MGAT4C: variants seen among roughly 807,000 people sequenced by gnomAD.
MGAT4C encodes MGAT4 family member C.
A neutral mutation model predicts 40.1 loss-of-function variants in MGAT4C; 19 were observed. That is an observed-to-expected ratio of 0.47 (90% CI 0.33 to 0.70). The LOEUF is 0.70. MGAT4C is among the 30% of genes least tolerant of loss of function. MGAT4C has a pLI of 0.02. For synonymous variants in MGAT4C, 181 were observed against 187.1 expected, an observed-to-expected ratio of 0.97 and a Z score of 0.27; for missense variants, 491 against 563.2, an observed-to-expected ratio of 0.87 and a Z score of 1.30.
chr12:85,962,005 A>G lies in MGAT4C; in HGVS notation c.*17284T>C, dbSNP rs1883136609. The G allele has an allele frequency of 6.6e-6, 1 of 151,898 alleles. No individual in the cohort carries two copies. Among genetic ancestry groups the G allele is most frequent in the Non-Finnish European group, 1.5e-5 (1 of 67,808 alleles). The allele number at this position is 151,898 out of a possible 1,614,324, so 9.4% of individuals were successfully genotyped here. A position where few individuals can be genotyped will look rare whatever the true frequency, so the allele number is the denominator to read the frequency against. ...TGTGTATCTGAATGGAACATGTGGTAAACACAACAGTAGAATATACCTACA... is the reference window on the plus strand; with the variant it reads ...TGTGTATCTGAATGGAACATGTGGTGAACACAACAGTAGAATATACCTACA... On this transcript the variant is annotated 3_prime_UTR_variant, in exon 5 of 5. Transcript: ENST00000611864.
intron 2 of MGAT4C, among the ~76,000 whole-genome samples, chr12:86,515,833 C>T (rs1439898246): frequency 6.6e-6 from 1 of 151,280 alleles, no homozygotes; most frequent in African/African-American, 2.4e-5. Flanking sequence ...AGCTCCGCCT[C>T]CCGGGTTCAT....
chr12:86,038,069 T>C (rs1304874349), intron 2 of MGAT4C, among the ~76,000 whole-genome samples: 1 of 149,716 alleles, frequency 6.7e-6, no homozygotes, highest in Non-Finnish European at 1.5e-5. Flanking sequence ...CCCTGAGCTC[T>C]GGAAGCCCAC....
chr12:86,497,945 A>ATATATAAAATATATATTATAAATATATAT (rs1402860363), intron 2 of MGAT4C, among the ~76,000 whole-genome samples: 4 of 144,342 alleles, frequency 2.8e-5, no homozygotes, highest in African/African-American at 7.5e-5. Flanking sequence ...ATTATATATA[A>ATATATAAAATATATATTATAAATATATAT]TATATAAAAT....
chr12:86,566,570 A>ATATATATATATATG (rs1565853557), intron 2 of MGAT4C, among the ~76,000 whole-genome samples: 3 of 39,456 alleles, frequency 7.6e-5, no homozygotes, highest in Non-Finnish European at 1.9e-4. Context: ...ATATATATAT[A>ATATATATATATATG]TATATGTATA....
rs748730460 is a variant in MGAT4C at position 85,971,489 on chromosome 12, A to C, written c.*7800T>G. ...ATTGCCCAAATCAATTGCCCAAATC[A>C]ATTCAAACATCTCATTGTAGTTCAT... On this transcript the variant is annotated 3_prime_UTR_variant, in exon 5 of 5. Coordinates refer to ENST00000611864, the MANE Select transcript of MGAT4C (RefSeq NM_001351288.2). 6 of 151,344 alleles carry C rather than the reference A, an allele frequency of 4.0e-5. No individual in the cohort carries two copies. The highest frequency in any genetic ancestry group is 8.9e-5 in the Non-Finnish European group (6 of 67,412). The allele number at this position is 151,344 out of a possible 1,614,324, so 9.4% of individuals were successfully genotyped here. A position where few individuals can be genotyped will look rare whatever the true frequency, so the allele number is the denominator to read the frequency against.
intron 1 of MGAT4C, among the ~76,000 whole-genome samples, chr12:86,735,385 A>C (rs531570483): frequency 6.6e-6 from 1 of 151,892 alleles, no homozygotes; most frequent in East Asian, 2.0e-4. Flanking sequence ...GTAACTGGAA[A>C]ATTTGTAAAC....
chr12:86,360,338 A>C (rs1955434473), intron 3 of MGAT4C, among the ~76,000 whole-genome samples: 1 of 152,202 alleles, frequency 6.6e-6, no homozygotes, highest in Non-Finnish European at 1.5e-5. Context: ...GCGTACCTCA[A>C]AACAATAAGA....
intron 1 of MGAT4C, among the ~76,000 whole-genome samples, chr12:86,209,772 T>G (rs556823567): frequency 6.6e-6 from 1 of 152,242 alleles, no homozygotes; most frequent in African/African-American, 2.4e-5. Flanking sequence ...GAAGGTAATT[T>G]TTTTCTTCTT....
chr12:86,433,473 T>C (rs1308479703), intron 3 of MGAT4C, among the ~76,000 whole-genome samples: 2 of 151,964 alleles, frequency 1.3e-5, no homozygotes, highest in Non-Finnish European at 2.9e-5. Context: ...CATGTGCCTA[T>C]TGCAACAGTC....
At chr12:86,020,616 C>G (rs186892518) in intron 2 of MGAT4C, among the ~76,000 whole-genome samples, 5 of 152,212 alleles carry the variant, frequency 3.3e-5, no homozygotes, top group African/African-American at 1.2e-4. Flanking sequence ...AATGTTATAC[C>G]TAAAACCATA....
At chr12:86,788,501 T>C (rs1011982313) in intron 1 of MGAT4C, among the ~76,000 whole-genome samples, 5 of 152,138 alleles carry the variant, frequency 3.3e-5, no homozygotes, top group Admixed American at 6.6e-5. Context: ...TCCTGTCCTA[T>C]ACAAGGACTG....
In MGAT4C at chr12:86,754,206, A is replaced by G. The variant is rs530919554; in HGVS notation, c.-261-26965T>C. 2.2e-3 allele frequency among the ~76,000 whole-genome samples: 341 copies of G among 152,256 alleles called. 1 individual carries two copies. Among genetic ancestry groups the G allele is most frequent in the African/African-American group, 7.6e-3 (314 of 41,558 alleles). On this transcript the variant is annotated intron_variant, in intron 1 of 7. Transcript: ENST00000548651. ...TATGCAATAGCATAAACAAATCTCA[A>G]AATAATTGTATTGAATAAAAGAAGA...
rs1882993899 is a variant in MGAT4C at position 85,959,467 on chromosome 12, C to T, written c.*19822G>A. 6.6e-6 allele frequency: 1 copy of T among 151,850 alleles called. No homozygotes were observed. The highest frequency in any genetic ancestry group is 2.1e-4 in the South Asian group (1 of 4,824). 9.4% of individuals were successfully genotyped at this position (151,850 alleles called of 1,614,324 possible). On this transcript the variant is annotated 3_prime_UTR_variant, in exon 5 of 5. Transcript: ENST00000611864. ...TATTTTTGCCATTTCTTCTCAGGAG[C>T]CCCTGCAATTTCAAACCTTGGAATT...
intron 2 of MGAT4C, among the ~76,000 whole-genome samples, chr12:86,521,473 C>A (rs1212061913): frequency 1.3e-5 from 2 of 152,042 alleles, no homozygotes; most frequent in Non-Finnish European, 1.5e-5. Flanking sequence ...TTTACTGTAG[C>A]CCTGTAGTAT....
Position 85,962,278 on chromosome 12 carries a change from C to G in MGAT4C, c.*17011G>C, listed in dbSNP as rs1351651251. ...GGTCTAAATATCCCAACATATCTTTCGTTTTGAGATCTGCAGAACAAAGTC... is the reference window on the plus strand; with the variant it reads ...GGTCTAAATATCCCAACATATCTTTGGTTTTGAGATCTGCAGAACAAAGTC... On this transcript the variant is annotated 3_prime_UTR_variant, in exon 5 of 5. Transcript: ENST00000611864. The G allele has an allele frequency of 2.0e-5, 3 of 151,412 alleles. No individual in the cohort carries two copies. The highest frequency in any genetic ancestry group is 4.4e-5 in the Non-Finnish European group (3 of 67,632). The allele number at this position is 151,412 out of a possible 1,614,324, so 9.4% of individuals were successfully genotyped here.
chr12:86,153,992 G>C (rs1026288576), intron 1 of MGAT4C, among the ~76,000 whole-genome samples: 2 of 152,018 alleles, frequency 1.3e-5, no homozygotes, highest in Non-Finnish European at 2.9e-5. Flanking sequence ...AACATTTCAG[G>C]GATGTAGAAC....
intron 1 of MGAT4C, among the ~76,000 whole-genome samples, chr12:86,203,750 G>A (rs1370770483): frequency 6.6e-6 from 1 of 151,872 alleles, no homozygotes; most frequent in African/African-American, 2.4e-5. Context: ...CTGAGGTCAG[G>A]AGTTTGAGAC....
intron 1 of MGAT4C, among the ~76,000 whole-genome samples, chr12:86,123,630 C>G (rs1280184891): frequency 6.6e-6 from 1 of 152,018 alleles, no homozygotes; most frequent in African/African-American, 2.4e-5. Flanking sequence ...CATGAATTAT[C>G]TAATTGGATG....
intron 1 of MGAT4C, among the ~76,000 whole-genome samples, chr12:86,168,453 G>A (rs1457974016): frequency 6.6e-6 from 1 of 152,162 alleles, no homozygotes; most frequent in Non-Finnish European, 1.5e-5. Flanking sequence ...CATATTGAGA[G>A]ATATTGTATA....
Sources: allele counts gnomAD v4.1 joint callset (sites outside exome capture counted in the v4.1 genomes callset), GRCh38; gene constraint gnomAD v4.1.1; transcripts MANE v1.5; gene names NCBI Gene and HGNC (gene_info 2026-07-23, HGNC 2026-07-21).